The following GRIP1 variants were observed in gnomAD, a reference collection of about 807,000 sequenced individuals.
GRIP1 encodes the protein glutamate receptor interacting protein 1.
GRIP1 carries 45 observed loss-of-function variants against 129.9 expected under a neutral mutation model. That is an observed-to-expected ratio of 0.35 (90% CI 0.27 to 0.44). The LOEUF is 0.44. GRIP1 is among the 20% of genes least tolerant of loss of function. GRIP1 has a pLI of 1.00. For synonymous variants in GRIP1, 530 were observed against 520.8 expected, an observed-to-expected ratio of 1.02 and a Z score of -0.24; for missense variants, 1,196 against 1,396.8, an observed-to-expected ratio of 0.86 and a Z score of 2.29.
At chr12:66,845,221 T>C (rs893325324) in intron 1 of GRIP1, among the ~76,000 whole-genome samples, 1 of 151,638 alleles carries the variant, frequency 6.6e-6, no homozygotes, top group African/African-American at 2.4e-5. Flanking sequence ...CTTTGAGAGG[T>C]CAAGGCGGGT....
At chr12:66,470,192 CT>C (rs889587386) in intron 7 of GRIP1, among the ~76,000 whole-genome samples, 5 of 152,284 alleles carry the variant, frequency 3.3e-5, no homozygotes, top group African/African-American at 1.2e-4. Flanking sequence ...AGCTTAAAAG[CT>C]TTCCACAGCT....
intron 11 of GRIP1, among the ~76,000 whole-genome samples, chr12:66,453,428 C>T (rs942601522): frequency 3.3e-5 from 5 of 152,130 alleles, no homozygotes; most frequent in African/African-American, 1.2e-4. Context: ...TACACAAATA[C>T]CCACCACAAA....
intron 1 of GRIP1, among the ~76,000 whole-genome samples, chr12:67,053,103 T>C (rs1378434157): frequency 6.6e-6 from 1 of 152,174 alleles, no homozygotes; most frequent in Non-Finnish European, 1.5e-5. Flanking sequence ...GAGGGGCCTT[T>C]GATTCATTCA....
At chr12:66,539,665 T>C (rs2139201684) in intron 3 of GRIP1, among the ~76,000 whole-genome samples, 1 of 151,554 alleles carries the variant, frequency 6.6e-6, no homozygotes, top group South Asian at 2.1e-4. Flanking sequence ...TTGTTTTTGC[T>C]GCCTCCCTTT....
At chr12:66,653,397 A>C (rs1278903699) in intron 1 of GRIP1, among the ~76,000 whole-genome samples, 2 of 152,180 alleles carry the variant, frequency 1.3e-5, no homozygotes, top group African/African-American at 4.8e-5. Context: ...TTGCCAACTT[A>C]TCCCCTGGAA....
chr12:66,513,425 A>G (rs1378588614), intron 7 of GRIP1, among the ~76,000 whole-genome samples: 1 of 152,106 alleles, frequency 6.6e-6, no homozygotes, highest in Non-Finnish European at 1.5e-5. Flanking sequence ...GAGAAATGAC[A>G]TATTTTAGCT....
intron 13 of GRIP1, among the ~76,000 whole-genome samples, chr12:66,435,058 G>A (rs1304335829): frequency 6.6e-6 from 1 of 152,186 alleles, no homozygotes; most frequent in Non-Finnish European, 1.5e-5. Context: ...TGGGATGAGG[G>A]CATGCAGAAA....
At chr12:66,676,366 T>C (rs899448511) in intron 1 of GRIP1, among the ~76,000 whole-genome samples, 6 of 152,184 alleles carry the variant, frequency 3.9e-5, no homozygotes, top group Admixed American at 1.3e-4. Context: ...GCAATTGCCA[T>C]ATTGCTTTTT....
chr12:66,404,133 A>G (rs991883272), intron 16 of GRIP1, among the ~76,000 whole-genome samples: 1 of 152,256 alleles, frequency 6.6e-6, no homozygotes, highest in Non-Finnish European at 1.5e-5. Context: ...AGAAATGCAA[A>G]TGTTGGCACA....
chr12:66,946,801 G>A (rs1415103028), intron 1 of GRIP1, among the ~76,000 whole-genome samples: 7 of 96,038 alleles, frequency 7.3e-5, no homozygotes, highest in Non-Finnish European at 1.5e-4. Context: ...GGGTGTGGGG[G>A]CTGGGGGGGG....
intron 1 of GRIP1, among the ~76,000 whole-genome samples, chr12:67,019,466 A>C (rs965186401): frequency 6.6e-6 from 1 of 152,248 alleles, no homozygotes; most frequent in Non-Finnish European, 1.5e-5. Context: ...CAGTATGTTA[A>C]AGATGTACAT....
At chr12:66,882,824 GATT>G (rs779909333) in intron 1 of GRIP1, among the ~76,000 whole-genome samples, 3 of 152,080 alleles carry the variant, frequency 2.0e-5, no homozygotes, top group Non-Finnish European at 4.4e-5. Flanking sequence ...GGGCCAGAAG[GATT>G]ATTATCTCCT....
chr12:66,538,061 T>A (rs966522799), intron 4 of GRIP1, among the ~76,000 whole-genome samples: 26 of 152,226 alleles, frequency 1.7e-4, no homozygotes, highest in Non-Finnish European at 2.2e-4. Context: ...TGTGTGCTGT[T>A]AGGAGTAGTG....
intron 1 of GRIP1, among the ~76,000 whole-genome samples, chr12:66,711,135 G>C (rs2035698941): frequency 2.0e-5 from 3 of 151,844 alleles, no homozygotes; most frequent in East Asian, 1.9e-4. Context: ...ACCTGATTTA[G>C]AGCTTGCTTG....
At chr12:66,873,156 C>T (rs548591020) in intron 1 of GRIP1, among the ~76,000 whole-genome samples, 345 of 152,030 alleles carry the variant, frequency 2.3e-3, no homozygotes, top group Non-Finnish European at 3.9e-3. Context: ...GCAAGTATCC[C>T]AATAAAGAAG....
chr12:66,669,444 T>C (rs893445824), intron 1 of GRIP1, among the ~76,000 whole-genome samples: 1 of 152,172 alleles, frequency 6.6e-6, no homozygotes, highest in Non-Finnish European at 1.5e-5. Flanking sequence ...CAGATACTTA[T>C]TGGGCATTTT....
intron 7 of GRIP1, among the ~76,000 whole-genome samples, chr12:66,484,061 G>A (rs537960508): frequency 7.9e-5 from 12 of 151,754 alleles, no homozygotes; most frequent in African/African-American, 2.4e-4. Flanking sequence ...GGGTTTCACC[G>A]TTTTAGCCGG....
At chr12:67,068,511 T>C (rs1261636935) in intron 1 of GRIP1, among the ~76,000 whole-genome samples, 2 of 152,004 alleles carry the variant, frequency 1.3e-5, no homozygotes, top group African/African-American at 4.8e-5. Flanking sequence ...AGCGCCCCCT[T>C]GCCTCCCCTA....
chr12:66,452,397 A>G (rs528384297), intron 11 of GRIP1, among the ~76,000 whole-genome samples: 1 of 152,216 alleles, frequency 6.6e-6, no homozygotes, highest in Non-Finnish European at 1.5e-5. Context: ...TATTTTCTCT[A>G]TGAAACAAAC....
Sources: allele counts gnomAD v4.1 joint callset (sites outside exome capture counted in the v4.1 genomes callset), GRCh38; gene constraint gnomAD v4.1.1; transcripts MANE v1.5; gene names NCBI Gene and HGNC (gene_info 2026-07-23, HGNC 2026-07-21).